Variants in ATP6V1E2 observed in about 807,000 individuals in gnomAD.
The protein encoded by ATP6V1E2 is ATPase H+ transporting V1 subunit E2.
For synonymous variants in ATP6V1E2, 121 were observed against 104.2 expected (o/e 1.16, Z -0.98); for missense variants, 308 against 273.3 (o/e 1.13, Z -0.90).
At chr2:46,534,211 C>T (rs545768291) in intron 4 of ATP6V1E2, 23 of 152,264 alleles carry the variant, frequency 1.5e-4, no homozygotes, top group African/African-American at 5.1e-4. Context: ...GTGACTGAGG[C>T]TCTGTGTTTC....
intron 4 of ATP6V1E2, among the ~76,000 whole-genome samples, chr2:46,526,658 T>C (rs972245372): frequency 1.3e-5 from 2 of 152,222 alleles, no homozygotes; most frequent in Non-Finnish European, 2.9e-5. Context: ...TTGGCTGGCT[T>C]ATTTCACTTA....
chr2:46,528,414 G>C (rs2103897877), intron 4 of ATP6V1E2, among the ~76,000 whole-genome samples: 1 of 152,366 alleles, frequency 6.6e-6, no homozygotes, highest in African/African-American at 2.4e-5. Flanking sequence ...GGTGGGAACA[G>C]GGTGGTGGTA....
chr2:46,518,246 T>C (rs1307419605), intron 4 of ATP6V1E2, among the ~76,000 whole-genome samples: 1 of 152,084 alleles, frequency 6.6e-6, no homozygotes, highest in Non-Finnish European at 1.5e-5. Flanking sequence ...AAGCCCATGA[T>C]AGAAGATTAA....
chr2:46,524,685 C>T (rs72800531), intron 4 of ATP6V1E2, among the ~76,000 whole-genome samples: 29 of 152,196 alleles, frequency 1.9e-4, no homozygotes, highest in East Asian at 3.9e-4. Flanking sequence ...TAAGGATGGG[C>T]GCTGAGAGAT....
In ATP6V1E2 at chr2:46,535,692, G is replaced by A. The variant is rs1667410775; in HGVS notation, c.-102+121C>T. The stretch of plus-strand genomic sequence containing the variant: ...CACCACTAAAGCTGCAGCCTCCAGA[G>A]ACAATGTGCCCTGTATTTAACTCTG... On this transcript the variant is annotated intron_variant, in intron 4 of 4. Transcript: ENST00000522587. The surrounding 1 kb of genome is among the most constrained non-coding windows in gnomAD (Gnocchi z 4.4). The A allele has an allele frequency of 6.6e-6, 1 of 152,250 alleles. No homozygotes were observed. The highest frequency in any genetic ancestry group is 2.1e-4 in the South Asian group (1 of 4,834). The allele number at this position is 152,250 out of a possible 1,614,324, so 9.4% of individuals were successfully genotyped here.
chr2:46,536,400 G>C (rs1667445823), intron 3 of ATP6V1E2, among the ~76,000 whole-genome samples: 1 of 152,192 alleles, frequency 6.6e-6, no homozygotes, highest in Admixed American at 6.5e-5. Flanking sequence ...AAAGAGAAGA[G>C]GGTGCCAATG....
chr2:46,540,436 C>CAAA (rs35794315), intron 2 of ATP6V1E2, among the ~76,000 whole-genome samples: 65,505 of 124,604 alleles, frequency 0.53, 17,675 homozygotes, highest in East Asian at 0.8. Context: ...GACCCTATCT[C>CAAA]AAAAAAAAAA....
rs994531173 is a variant in ATP6V1E2, at chr2:46,530,877, A to G, written c.-102+4936T>C. ...TTATTCACTAGCGCAAGAACAGCAC[A>G]GGAAAAACCCAAGCCCATGATTCAG... On this transcript the variant is annotated intron_variant, in intron 4 of 4. Transcript: ENST00000522587. The surrounding 1 kb of genome is among the most constrained non-coding windows in gnomAD (Gnocchi z 5.2). 6.6e-6 allele frequency among the ~76,000 whole-genome samples: 1 copy of G among 152,220 alleles called. No individual in the cohort carries two copies. The highest frequency in any genetic ancestry group is 2.4e-5 in the African/African-American group (1 of 41,454).
chr2:46,522,284 CA>C (rs57921616), intron 4 of ATP6V1E2, among the ~76,000 whole-genome samples: 117 of 136,006 alleles, frequency 8.6e-4, no homozygotes, highest in Non-Finnish European at 9.7e-4. Context: ...ACTCTGTCTC[CA>C]AAAAAAAAAA....
intron 4 of ATP6V1E2, among the ~76,000 whole-genome samples, chr2:46,516,901 T>A (rs545502223): frequency 1.4e-4 from 22 of 152,294 alleles, no homozygotes; most frequent in Non-Finnish European, 3.1e-4. Context: ...AAAATGTCCA[T>A]ACTAACCAAA....
chr2:46,512,265 T>C lies in ATP6V1E2; in HGVS notation c.447A>G (p.Gln149=), dbSNP rs1436393533. 4.3e-6 allele frequency: 7 copies of C among 1,613,040 alleles called. No homozygotes were observed. The highest frequency in any genetic ancestry group is 5.1e-6 in the Non-Finnish European group (6 of 1,179,400). The stretch of plus-strand genomic sequence containing the variant: ...TTGTCATGTACTCGGGGATGGCTTT[T>C]TGTACAGCAGCCTCCACCAGGAGGA... ...QDLLLVEAAV[Q]KAIPEYMTIS... is the part of the protein sequence containing the mutation. Residue 149 remains glutamine, a synonymous_variant, in exon 5 of 5, where the codon CAA becomes CAG. Transcript: ENST00000522587.
intron 4 of ATP6V1E2, among the ~76,000 whole-genome samples, chr2:46,516,786 T>C (rs1391485162): frequency 6.6e-6 from 1 of 151,186 alleles, no homozygotes; most frequent in East Asian, 1.9e-4. Context: ...CTCAAGGAAC[T>C]AGAATACTTG....
chr2:46,538,157 G>A (rs950100547), intron 2 of ATP6V1E2, among the ~76,000 whole-genome samples: 1 of 152,128 alleles, frequency 6.6e-6, no homozygotes, highest in South Asian at 2.1e-4. Flanking sequence ...CCATGCTTGG[G>A]TCAGACTGTT....
At chr2:46,514,172 CAG>C (rs1687606120) in intron 4 of ATP6V1E2, among the ~76,000 whole-genome samples, 1 of 151,972 alleles carries the variant, frequency 6.6e-6, no homozygotes, top group Non-Finnish European at 1.5e-5. Flanking sequence ...CCCAGCTACT[CAG>C]GGGGCTGAGG....
At chr2:46,516,469 G>A (rs1687714541) in intron 4 of ATP6V1E2, among the ~76,000 whole-genome samples, 1 of 152,202 alleles carries the variant, frequency 6.6e-6, no homozygotes, top group Non-Finnish European at 1.5e-5. Flanking sequence ...AATGGCTCAT[G>A]CCTATAATCC....
intron 1 of ATP6V1E2, chr2:46,541,951 G>A (rs1343916667): frequency 6.6e-6 from 1 of 152,306 alleles, no homozygotes; most frequent in Non-Finnish European, 1.5e-5. Flanking sequence ...GGCCTCCAGG[G>A]GGAGCCCAGG....
intron 4 of ATP6V1E2, among the ~76,000 whole-genome samples, chr2:46,518,489 CA>C (rs1458448635): frequency 3.1e-4 from 17 of 54,500 alleles, no homozygotes; most frequent in Non-Finnish European, 4.0e-4. Flanking sequence ...CACACACACA[CA>C]ACACACACAC....
At chr2:46,519,146 A>C (rs1666474923) in intron 4 of ATP6V1E2, 1 of 152,220 alleles carries the variant, frequency 6.6e-6, no homozygotes, top group Non-Finnish European at 1.5e-5. Context: ...AGGAGGCTAA[A>C]AGGGATTTCC....
At position 46,518,490 on chromosome 2, in the gene ATP6V1E2, A is replaced by AACACACACACACACACACACAC. The variant is rs10546147; in HGVS notation, c.-101-5700_-101-5679dup. On this transcript the variant is annotated intron_variant, in intron 4 of 4. Transcript: ENST00000522587. Reference sequence around the variant, plus strand: ...AAACATTTGTTACACACACACACACAACACACACACACACACACACACACA... The same window carrying AACACACACACACACACACACAC: ...AAACATTTGTTACACACACACACACAACACACACACACACACACACACACACACACACACACACACACACACA... 4.0e-3 allele frequency among the ~76,000 whole-genome samples: 568 copies of AACACACACACACACACACACAC among 140,962 alleles called. 2 individuals are homozygous for AACACACACACACACACACACAC. The highest frequency in any genetic ancestry group is 0.013 in the African/African-American group (482 of 38,122). The allele number at this position is 140,962 out of a possible 152,430, so 92.5% of individuals were successfully genotyped here.
Sources: allele counts gnomAD v4.1 joint callset (sites outside exome capture counted in the v4.1 genomes callset), GRCh38; gene constraint gnomAD v4.1.1; non-coding constraint Gnocchi (gnomAD v3.1); transcripts MANE v1.5; gene names NCBI Gene and HGNC (gene_info 2026-07-23, HGNC 2026-07-21).